Variants in KATNIP observed in about 807,000 individuals in gnomAD.
The protein encoded by KATNIP is katanin-interacting protein.
A neutral mutation model predicts 174.0 loss-of-function variants in KATNIP; 126 were observed. That is an observed-to-expected ratio of 0.72 (90% confidence interval 0.63 to 0.84). The LOEUF (loss-of-function observed/expected upper bound fraction) is 0.84, where lower values mean the gene tolerates loss of function less well. Ranked by LOEUF, KATNIP falls within the 40% of genes least tolerant of loss-of-function variation. The probability of loss-of-function intolerance (pLI) is 0.00; values close to 1 mark genes in which losing one functional copy is unlikely to be tolerated. For missense variants in KATNIP, 1,958 were observed against 2,109.7 expected (o/e 0.93, Z 1.41); for synonymous variants, 810 against 835.7 (o/e 0.97, Z 0.53).
intron 6 of KATNIP, among the ~76,000 whole-genome samples, chr16:27,651,401 C>T (rs1597063603): frequency 6.6e-6 from 1 of 150,642 alleles, no homozygotes; most frequent in Admixed American, 6.6e-5. Context: ...TCAGCAAAGG[C>T]AGAAGTCTTA....
intron 1 of KATNIP, among the ~76,000 whole-genome samples, chr16:27,554,603 G>A (rs181895550): frequency 2.6e-5 from 4 of 152,280 alleles, no homozygotes; most frequent in Admixed American, 1.3e-4. Flanking sequence ...GCTGCTTTGT[G>A]CCTTCTAATG....
chr16:27,668,371 A>G (rs1369417712), intron 6 of KATNIP, among the ~76,000 whole-genome samples: 1 of 152,186 alleles, frequency 6.6e-6, no homozygotes, highest in Non-Finnish European at 1.5e-5. Flanking sequence ...AATGAGTCTC[A>G]GGAGATCTGA....
intron 6 of KATNIP, chr16:27,669,282 T>G: frequency 1.0e-6 from 1 of 985,320 alleles, no homozygotes. Context: ...CCTTTAAGTC[T>G]TTGTATCAGC....
intron 13 of KATNIP, among the ~76,000 whole-genome samples, chr16:27,715,072 A>G (rs1597267853): frequency 6.6e-6 from 1 of 152,262 alleles, no homozygotes; most frequent in East Asian, 1.9e-4. Flanking sequence ...TAAAGACTGC[A>G]TGGTACTGGC....
intron 1 of KATNIP, among the ~76,000 whole-genome samples, chr16:27,557,616 G>A (rs1410036992): frequency 1.3e-5 from 2 of 151,336 alleles, no homozygotes; most frequent in African/African-American, 4.9e-5. Flanking sequence ...TTGTGGAGAT[G>A]GGGGTCTTGC....
At chr16:27,685,986 ACAGT>A (rs757478995) in intron 8 of KATNIP, among the ~76,000 whole-genome samples, 19 of 152,198 alleles carry the variant, frequency 1.2e-4, no homozygotes, top group Non-Finnish European at 2.6e-4. Context: ...TAAGCCCAAG[ACAGT>A]CTGTCTCTCC....
chr16:27,591,021 C>T (rs539120254), intron 2 of KATNIP, among the ~76,000 whole-genome samples: 84 of 152,114 alleles, frequency 5.5e-4, no homozygotes, highest in Non-Finnish European at 1.0e-3. Flanking sequence ...TCTTGGTTTT[C>T]CAAACTTGAT....
At position 27,698,485 on chromosome 16, in the gene KATNIP, A is replaced by G. The variant is rs141145566; in HGVS notation, c.1098A>G (p.Pro366=). The G allele has an allele frequency of 5.6e-4, 905 of 1,610,258 alleles. 3 individuals are homozygous for G. The African/African-American group carries it at 9.4e-3, about 17-fold the overall frequency. The change falls in exon 9 of 28, where the codon CCA becomes CCG. Residue 366 remains proline (P), a synonymous_variant. Coordinates refer to ENST00000261588, the MANE Select transcript of KATNIP (RefSeq NM_015202.5). ...TCCTCAGCAGAAAGGCCGAGCAGCCAGCCAGCCCACTGCAGGTGCGCTCCG... is the reference window on the plus strand; with the variant it reads ...TCCTCAGCAGAAAGGCCGAGCAGCCGGCCAGCCCACTGCAGGTGCGCTCCG... ...RALLSRKAEQ[P]ASPLQDAEGP... is the part of the protein sequence containing the mutation.
chr16:27,712,942 A>G (rs2143005275), intron 13 of KATNIP, among the ~76,000 whole-genome samples: 1 of 152,222 alleles, frequency 6.6e-6, no homozygotes. Context: ...AGAAGCTGGA[A>G]CTACAGGCAC....
intron 3 of KATNIP, among the ~76,000 whole-genome samples, chr16:27,621,736 G>A (rs1260492789): frequency 6.6e-6 from 1 of 151,520 alleles, no homozygotes; most frequent in Non-Finnish European, 1.5e-5. Flanking sequence ...ATGGCTGAAG[G>A]CAAAGTGAAA....
At chr16:27,574,558 CTTTTTTTTTTTTT>C (rs10708223) in intron 2 of KATNIP, among the ~76,000 whole-genome samples, 4 of 53,512 alleles carry the variant, frequency 7.5e-5, no homozygotes, top group Admixed American at 2.7e-4. Context: ...ACTTTCTATT[CTTTTTTTTTTTTT>C]TTTTTTTTTT....
chr16:27,640,086 T>C lies in KATNIP; in HGVS notation c.409-8518T>C, dbSNP rs530379578. ...ACAGTTTGCGAAGAGGGGTGGCAGA[T>C]ATGAACAAATAACTCTAGGCATGAA... On this transcript the variant is annotated intron_variant, in intron 5 of 27. Transcript: ENST00000261588. Among the ~76,000 whole-genome samples, 19 of 152,296 alleles carry C rather than the reference T, an allele frequency of 1.2e-4. No individual in the cohort carries two copies. The South Asian group carries it at 3.9e-3, about 32-fold the overall frequency.
At chr16:27,773,627 G>T (rs1208632844) in intron 23 of KATNIP, among the ~76,000 whole-genome samples, 1 of 152,162 alleles carries the variant, frequency 6.6e-6, no homozygotes, top group African/African-American at 2.4e-5. Context: ...ACCAGAATTT[G>T]CAGACTGTTA....
chr16:27,656,498 G>C (rs1360992433), intron 6 of KATNIP, among the ~76,000 whole-genome samples: 2 of 151,032 alleles, frequency 1.3e-5, no homozygotes, highest in East Asian at 3.9e-4. Context: ...GATTAAAGGA[G>C]AGTAAAGAAA....
At chr16:27,692,536 C>T (rs1047773273) in intron 8 of KATNIP, among the ~76,000 whole-genome samples, 3 of 152,082 alleles carry the variant, frequency 2.0e-5, no homozygotes, top group Non-Finnish European at 4.4e-5. Flanking sequence ...TCCCCTTGCC[C>T]CCCATTCCAG....
intron 5 of KATNIP, among the ~76,000 whole-genome samples, chr16:27,643,716 T>A (rs759009285): frequency 6.6e-6 from 1 of 151,510 alleles, no homozygotes; most frequent in Non-Finnish European, 1.5e-5. Context: ...ATTGTGAACT[T>A]GGATCAGAAA....
intron 21 of KATNIP, among the ~76,000 whole-genome samples, chr16:27,770,646 G>A (rs189210583): frequency 7.1e-4 from 108 of 152,334 alleles, no homozygotes; most frequent in African/African-American, 2.4e-3. Flanking sequence ...AGGGCTGGAG[G>A]GCACTGACAG....
At chr16:27,774,774 C>T (rs951425540) in intron 23 of KATNIP, among the ~76,000 whole-genome samples, 171 bp from the exon 24 acceptor site, 13 of 152,246 alleles carry the variant, frequency 8.5e-5, no homozygotes, top group African/African-American at 2.6e-4. Context: ...CCCTTGGGCC[C>T]GGCACTCCCC....
intron 1 of KATNIP, among the ~76,000 whole-genome samples, chr16:27,564,534 G>T (rs1299704444): frequency 1.3e-5 from 2 of 152,168 alleles, no homozygotes; most frequent in East Asian, 3.9e-4. Context: ...GGTTTGGAAA[G>T]GAAAAGAAGA....
Sources: gnomAD v4.1 joint callset for allele counts (sites outside exome capture counted in the v4.1 genomes callset) on GRCh38, gnomAD v4.1.1 for gene constraint, MANE v1.5 for transcripts, NCBI Gene and HGNC (gene_info 2026-07-23, HGNC 2026-07-21) for gene names.